CFAP47: variants seen among roughly 807,000 people sequenced by gnomAD.
The protein encoded by CFAP47 is cilia- and flagella-associated protein 47.
A neutral mutation model predicts 148.1 loss-of-function variants in CFAP47; 29 were observed. The ratio of observed to expected loss-of-function variants is 0.20; its 90% confidence interval spans 0.15 to 0.27. The LOEUF (loss-of-function observed/expected upper bound fraction) is 0.27, where lower values mean the gene tolerates loss of function less well. Among genes scored for constraint, CFAP47 ranks in the 10% least tolerant of loss-of-function variants. The probability of loss-of-function intolerance (pLI) is 1.00; values close to 1 mark genes in which losing one functional copy is unlikely to be tolerated. For synonymous variants in CFAP47, 664 were observed against 577.3 expected, an observed-to-expected ratio of 1.15 and a Z score of -2.15; for missense variants, 1,872 against 1,697.5, an observed-to-expected ratio of 1.10 and a Z score of -1.81.
chrX:36,304,566 G>A (rs2146960037), intron 54 of CFAP47, among the ~76,000 whole-genome samples: 1 of 110,233 alleles, frequency 9.1e-6, no homozygotes, highest in South Asian at 3.9e-4. Context: ...TTTAGTAATC[G>A]GTTTTTGTAA....
At chrX:35,984,711 A>G (rs1936691736) in intron 15 of CFAP47, among the ~76,000 whole-genome samples, 2 of 112,018 alleles carry the variant, frequency 1.8e-5, no homozygotes, top group Admixed American at 1.9e-4. Flanking sequence ...TTTTTTACCC[A>G]AAAGTCATTC....
intron 2 of CFAP47, among the ~76,000 whole-genome samples, chrX:35,927,863 G>A (rs763450959): frequency 1.0e-4 from 11 of 109,689 alleles, no homozygotes; most frequent in Middle Eastern, 4.3e-3. Flanking sequence ...TACATAAATC[G>A]AATCACACAC....
chrX:36,134,039 T>TA (rs2146826726), intron 33 of CFAP47, among the ~76,000 whole-genome samples: 1 of 110,551 alleles, frequency 9.0e-6, no homozygotes, highest in East Asian at 2.9e-4. Context: ...GAATTTAAAA[T>TA]AAAAATATAC....
intron 63 of CFAP47, among the ~76,000 whole-genome samples, chrX:36,384,265 C>T (rs1942106389): frequency 9.0e-6 from 1 of 111,226 alleles, no homozygotes; most frequent in African/African-American, 3.3e-5. Context: ...TGCTTGAACC[C>T]GGGAGGTGGA....
At chrX:36,117,026 T>TAA (rs1938652771) in intron 33 of CFAP47, among the ~76,000 whole-genome samples, 1 of 111,959 alleles carries the variant, frequency 8.9e-6, no homozygotes, top group Non-Finnish European at 1.9e-5. Context: ...TGTGCCTGGC[T>TAA]TATTTCACTT....
Position 36,367,100 on chromosome X carries a change from T to C in CFAP47, c.9158T>C (p.Phe3053Ser), listed in dbSNP as rs1941885211. 1 of 1,155,265 alleles carries C rather than the reference T, an allele frequency of 8.7e-7. No homozygotes were observed. Among genetic ancestry groups the C allele is most frequent in the Non-Finnish European group, 1.2e-6 (1 of 866,588 alleles). ...EGVGLFKESV[F>S]ELRLKSQTRN... is the part of the protein sequence containing the mutation. Reference sequence around the variant, plus strand: ...GTTGGTTTATTTAAGGAATCTGTTTTTGAACTTAGGCTGAAAAGTCAGACA... The same window carrying C: ...GTTGGTTTATTTAAGGAATCTGTTTCTGAACTTAGGCTGAAAAGTCAGACA... The change falls in exon 62 of 64, where the codon TTT becomes TCT. Residue 3053 changes from phenylalanine (F) to serine (S), a missense_variant. Transcript: ENST00000378653.
chrX:36,371,819 CATATACACACATGTGTGT>C (rs1297909691), intron 62 of CFAP47, among the ~76,000 whole-genome samples: 1 of 57,801 alleles, frequency 1.7e-5, no homozygotes, highest in African/African-American at 9.2e-5. Context: ...TATATGTGTG[CATATACACACATGTGTGT>C]ATATGTGTGT....
chrX:36,285,926 A>G (rs1602090869), intron 51 of CFAP47, among the ~76,000 whole-genome samples, 200 bp downstream of exon 51: 1 of 111,832 alleles, frequency 8.9e-6, no homozygotes, highest in East Asian at 2.8e-4. Flanking sequence ...TTTTAGTTAT[A>G]TGTTATCTTA....
At chrX:36,008,939 G>A (rs1466365910) in intron 21 of CFAP47, among the ~76,000 whole-genome samples, 1 of 111,115 alleles carries the variant, frequency 9.0e-6, no homozygotes. Context: ...TAGACTCATA[G>A]TATATCCGGT....
rs747100734 is a variant in CFAP47, at chrX:36,046,881, C to A, written c.4035C>A (p.Pro1345=). 20 of 1,159,105 alleles carry A rather than the reference C, an allele frequency of 1.7e-5. No individual in the cohort carries two copies. In the South Asian group the frequency reaches 3.1e-4, roughly 18 times the overall value. ...ATTCAACTCTATGTGTCCAGATTCC[C>A]ACAGTAAGGCTTCTTGATGGTGAAG... ...FRNSTLCVQI[P]TVRLLDGEEI... is the part of the protein sequence containing the mutation. Residue 1345 remains proline (P), a synonymous_variant, in exon 26 of 64, where the codon CCC becomes CCA. Coordinates refer to ENST00000378653, the MANE Select transcript of CFAP47 (RefSeq NM_001304548.2).
At chrX:36,190,992 T>A (rs1555986404) in intron 42 of CFAP47, among the ~76,000 whole-genome samples, 1 of 111,513 alleles carries the variant, frequency 9.0e-6, no homozygotes, top group African/African-American at 3.3e-5. Flanking sequence ...TGGAAAGAGG[T>A]ATTGTACTTA....
Position 35,956,191 on chromosome X carries a change from A to G in CFAP47, c.1405A>G (p.Met469Val). 1 of 1,197,532 alleles carries G rather than the reference A, an allele frequency of 8.4e-7. No homozygotes were observed. Among genetic ancestry groups the G allele is most frequent in the Non-Finnish European group, 1.1e-6 (1 of 882,958 alleles). ...AAAGGGCAAGATTACTGGAGGGGGT[A>G]TGGTGGTAAGATAATTTTTCTTTGC... The part of the protein sequence containing the change: ...PEKGKITGGG[M>V]VDVMCSFVPH... Residue 469 changes from methionine (M) to valine (V), a missense_variant, in exon 8 of 64, where the codon ATG becomes GTG. By Grantham distance (21) the Met-to-Val change is conservative. Coordinates refer to ENST00000378653, the MANE Select transcript of CFAP47 (RefSeq NM_001304548.2).
chrX:36,206,779 A>T (rs1426064849), intron 45 of CFAP47, among the ~76,000 whole-genome samples: 8 of 111,885 alleles, frequency 7.2e-5, no homozygotes, highest in African/African-American at 2.6e-4. Flanking sequence ...TTTTTCTTTC[A>T]TATCAATTAT....
intron 4 of CFAP47, among the ~76,000 whole-genome samples, chrX:35,948,998 G>A (rs758375354): frequency 1.8e-5 from 2 of 110,891 alleles, no homozygotes; most frequent in East Asian, 5.7e-4. Context: ...AAAACCAAAT[G>A]GAATGTCTAG....
chrX:36,034,484 A>T (rs1412105020), intron 23 of CFAP47, among the ~76,000 whole-genome samples: 1 of 111,165 alleles, frequency 9.0e-6, no homozygotes, highest in African/African-American at 3.3e-5. Context: ...TATATATTAC[A>T]TGTATTACTT....
At chrX:36,149,964 T>C (rs1939288431) in intron 37 of CFAP47, among the ~76,000 whole-genome samples, 2 of 110,510 alleles carry the variant, frequency 1.8e-5, no homozygotes, top group Admixed American at 2.0e-4. Flanking sequence ...GTACTAATTA[T>C]AGGAAATTTA....
At chrX:36,135,270 C>T (rs1309672536) in intron 33 of CFAP47, among the ~76,000 whole-genome samples, 1 of 110,800 alleles carries the variant, frequency 9.0e-6, no homozygotes, top group Non-Finnish European at 1.9e-5. Context: ...ACCATCAGTT[C>T]CCCCCAAAAC....
At chrX:36,167,225 T>A (rs1446918176) in intron 39 of CFAP47, among the ~76,000 whole-genome samples, 1 of 111,303 alleles carries the variant, frequency 9.0e-6, no homozygotes, top group African/African-American at 3.3e-5. Context: ...TTCGCTTGAA[T>A]TTCTCCACAC....
At chrX:36,281,962 C>T (rs191742050) in intron 50 of CFAP47, among the ~76,000 whole-genome samples, 1 of 109,831 alleles carries the variant, frequency 9.1e-6, no homozygotes, top group East Asian at 2.9e-4. Context: ...GATGACTGTC[C>T]TTATAGAAGA....
Sources: gnomAD v4.1 joint callset for allele counts (sites outside exome capture counted in the v4.1 genomes callset) on GRCh38, gnomAD v4.1.1 for gene constraint, MANE v1.5 for transcripts, NCBI Gene and HGNC (gene_info 2026-07-23, HGNC 2026-07-21) for gene names.